Variants in CNST observed in about 807,000 individuals in gnomAD.
CNST encodes the protein consortin.
A neutral mutation model predicts 72.4 loss-of-function variants in CNST; 39 were observed. The ratio of observed to expected loss-of-function variants is 0.54; its 90% CI spans 0.42 to 0.70. The LOEUF is 0.70. Ranked by LOEUF, CNST falls within the 30% of genes least tolerant of loss-of-function variation. The pLI is 0.00. For missense variants in CNST, 871 were observed against 868.5 expected (o/e 1.00, Z -0.04); for synonymous variants, 332 against 320.1 (o/e 1.04, Z -0.40).
intron 6 of CNST, among the ~76,000 whole-genome samples, chr1:246,636,499 C>G (rs938674854): frequency 6.6e-6 from 1 of 152,114 alleles, no homozygotes. Context: ...ATCTACAAAC[C>G]GGTTTTTTCC....
chr1:246,634,052 C>T (rs1274332146), intron 5 of CNST, 42 bp downstream of exon 5: 2 of 1,189,420 alleles, frequency 1.7e-6, no homozygotes, highest in African/African-American at 3.0e-5. Context: ...AGCAGTAATC[C>T]AACAAGTCAC....
chr1:246,579,329 C>T (rs1304694660), intron 1 of CNST, among the ~76,000 whole-genome samples: 1 of 152,096 alleles, frequency 6.6e-6, no homozygotes, highest in Non-Finnish European at 1.5e-5. Flanking sequence ...GCCTTGTTGC[C>T]CATTAGGTTC....
chr1:246,642,132 G>GTTTTTTTTTTTTTTTTTTTTTTT lies in CNST; in HGVS notation c.937+95_937+96insTTTTTTTTTTTTTTTTTTTTTTT, dbSNP rs1491252940. 80 of 198,338 alleles carry GTTTTTTTTTTTTTTTTTTTTTTT rather than the reference G, an allele frequency of 4.0e-4. 16 individuals carry two copies. Among genetic ancestry groups the GTTTTTTTTTTTTTTTTTTTTTTT allele is most frequent in the African/African-American group, 3.7e-3 (70 of 18,816 alleles). The allele number at this position is 198,338 out of a possible 1,614,324, so 12.3% of individuals were successfully genotyped here. A position where few individuals can be genotyped will look rare whatever the true frequency, so the allele number is the denominator to read the frequency against. On this transcript the variant is annotated intron_variant, in intron 8 of 10. Transcript: ENST00000366513. ...ACATCTGAATTGCTGCAAAGGATCT[G>GTTTTTTTTTTTTTTTTTTTTTTT]GTTTTTTTTTTTTTTTTTTTTTGCA...
rs984701047 is a variant in CNST, at chr1:246,625,522, A to G, written c.585+3888A>G. ...CTGTAACCTCCACCTCCCGGGTTCA[A>G]GCAATTCTCCTGCCTCAGCCTCCTG... is the stretch of plus-strand genomic sequence containing the variant. On this transcript the variant is annotated intron_variant, in intron 3 of 10. Transcript: ENST00000366513. Among the ~76,000 whole-genome samples the G allele has an allele frequency of 2.7e-5, 4 of 146,126 alleles. No individual in the cohort carries two copies. The Admixed American group carries it at 2.9e-4, about 11-fold the overall frequency.
At chr1:246,664,087 A>C (rs1667257498) in intron 10 of CNST, among the ~76,000 whole-genome samples, 1 of 152,246 alleles carries the variant, frequency 6.6e-6, no homozygotes, top group South Asian at 2.1e-4. Flanking sequence ...TAATAAAGTA[A>C]AAATTAAATC....
chr1:246,614,620 C>T (rs921176733), intron 2 of CNST, among the ~76,000 whole-genome samples: 42 of 151,694 alleles, frequency 2.8e-4, no homozygotes, highest in Non-Finnish European at 4.6e-4. Context: ...TATAGGCATG[C>T]GCCGCCACGC....
At chr1:246,655,126 C>A (rs1666703390) in intron 9 of CNST, among the ~76,000 whole-genome samples, 1 of 152,102 alleles carries the variant, frequency 6.6e-6, no homozygotes, top group South Asian at 2.1e-4. Context: ...TTTGTACTTA[C>A]TAAATTGCCC....
chr1:246,627,702 G>T (rs1014116193), intron 3 of CNST, among the ~76,000 whole-genome samples: 1 of 152,072 alleles, frequency 6.6e-6, no homozygotes, highest in African/African-American at 2.4e-5. Context: ...GCATAGACAT[G>T]TAAAATTTGG....
rs547815714 is a variant in CNST, at chr1:246,566,490, C to G, written c.-225C>G. 7 of 440,502 alleles carry G rather than the reference C, an allele frequency of 1.6e-5. No homozygotes were observed. The highest frequency in any genetic ancestry group is 2.8e-5 in the Non-Finnish European group (7 of 247,630). 27.3% of individuals were successfully genotyped at this position (440,502 alleles called of 1,614,324 possible). ...GGCCGCCAGCCTCCAGCCGGCCAGC[C>G]GCGAGGGGTGCGCAGAGGGAGGCGG... On this transcript the variant is annotated 5_prime_UTR_variant, in exon 1 of 11. Coordinates refer to ENST00000366513, the MANE Select transcript of CNST (RefSeq NM_152609.3).
chr1:246,620,928 A>G (rs1664051761), intron 2 of CNST, among the ~76,000 whole-genome samples: 1 of 152,274 alleles, frequency 6.6e-6, no homozygotes, highest in South Asian at 2.1e-4. Context: ...AGTCGTGCAT[A>G]CACACGGTAT....
At chr1:246,579,334 A>G (rs1329516992) in intron 1 of CNST, among the ~76,000 whole-genome samples, 1 of 152,110 alleles carries the variant, frequency 6.6e-6, no homozygotes, top group Non-Finnish European at 1.5e-5. Context: ...GTTGCCCATT[A>G]GGTTCTGCAT....
intron 9 of CNST, among the ~76,000 whole-genome samples, chr1:246,654,606 C>T (rs994533532): frequency 3.3e-5 from 5 of 152,316 alleles, no homozygotes; most frequent in Middle Eastern, 3.4e-3. Context: ...CTTAAAGATA[C>T]GGATTCTGTT....
Position 246,647,537 on chromosome 1 carries a change from T to G in CNST, c.1336T>G (p.Leu446Val). 2 of 1,614,196 alleles carry G rather than the reference T, an allele frequency of 1.2e-6. No individual in the cohort carries two copies. The highest frequency in any genetic ancestry group is 1.7e-6 in the Non-Finnish European group (2 of 1,180,036). Residue 446 changes from leucine (L) to valine (V), a missense_variant, in exon 9 of 11, where the codon TTG becomes GTG. Leu to Val is a conservative substitution (Grantham distance 32, BLOSUM62 1). Transcript: ENST00000366513. ...SPGCDRIPPA[L>V]ISEGKYSQAQ... ...AGGCTGTGACCGTATACCTCCTGCATTGATTTCTGAGGGTAAATATTCACA... is the reference window on the plus strand; with the variant it reads ...AGGCTGTGACCGTATACCTCCTGCAGTGATTTCTGAGGGTAAATATTCACA...
Position 246,668,020 on chromosome 1 carries a change from G to A in CNST, c.*2115G>A, listed in dbSNP as rs960323827. On this transcript the variant is annotated 3_prime_UTR_variant, in exon 11 of 11. Transcript: ENST00000366513. The stretch of plus-strand genomic sequence containing the variant: ...CCCAGTGGTGTCTCAGAGAAACCAT[G>A]GGTGTCCTCGCCACTTCCCAGGGAG... The A allele has an allele frequency of 1.3e-5, 2 of 152,160 alleles. No individual in the cohort carries two copies. The highest frequency in any genetic ancestry group is 4.8e-5 in the African/African-American group (2 of 41,446). 9.4% of individuals were successfully genotyped at this position (152,160 alleles called of 1,614,324 possible). A position where few individuals can be genotyped will look rare whatever the true frequency, so the allele number is the denominator to read the frequency against.
intron 6 of CNST, among the ~76,000 whole-genome samples, chr1:246,639,826 A>G (rs901743675): frequency 4.6e-5 from 7 of 152,208 alleles, no homozygotes; most frequent in Non-Finnish European, 8.8e-5. Context: ...GCTGAGGCCT[A>G]AAATGGCGTC....
At chr1:246,652,666 A>G (rs1330750429) in intron 9 of CNST, among the ~76,000 whole-genome samples, 3 of 152,172 alleles carry the variant, frequency 2.0e-5, no homozygotes, top group East Asian at 3.9e-4. Flanking sequence ...CATTATTTCT[A>G]AAATCTGAGG....
chr1:246,605,477 T>C (rs566207519), intron 2 of CNST, among the ~76,000 whole-genome samples: 1 of 152,324 alleles, frequency 6.6e-6, no homozygotes, highest in East Asian at 1.9e-4. Flanking sequence ...GTGTGGAGCA[T>C]CACGCTGTTT....
intron 2 of CNST, among the ~76,000 whole-genome samples, chr1:246,621,193 A>C (rs1364997642): frequency 1.3e-5 from 2 of 152,220 alleles, no homozygotes. Flanking sequence ...TAGCTCTGGC[A>C]TCTGAATTCC....
chr1:246,639,455 G>A (rs114580913), intron 6 of CNST, among the ~76,000 whole-genome samples: 2,342 of 152,182 alleles, frequency 0.015, 38 homozygotes, highest in South Asian at 0.066. Flanking sequence ...AGCAGTGTGC[G>A]GTCGGTTGTG....
Sources: gnomAD v4.1 joint callset for allele counts (sites outside exome capture counted in the v4.1 genomes callset) on GRCh38, gnomAD v4.1.1 for gene constraint, MANE v1.5 for transcripts, NCBI Gene and HGNC (gene_info 2026-07-23, HGNC 2026-07-21) for gene names.